TMEM132B: variants seen among roughly 807,000 people sequenced by gnomAD.
TMEM132B encodes the protein transmembrane protein 132B.
Under a neutral mutation model 90.8 loss-of-function variants are expected in TMEM132B, and 18 were observed. The ratio of observed to expected loss-of-function variants is 0.20; its 90% confidence interval spans 0.14 to 0.29. The LOEUF is 0.29. Among genes scored for constraint, TMEM132B ranks in the 10% least tolerant of loss-of-function variants. The pLI, the probability that TMEM132B is intolerant of heterozygous loss-of-function variation, is 1.00. For synonymous variants in TMEM132B, 504 were observed against 523.3 expected (o/e 0.96, Z 0.50); for missense variants, 1,096 against 1,326.8 (o/e 0.83, Z 2.70).
At chr12:125,533,514 C>T (rs1883704207) in intron 4 of TMEM132B, among the ~76,000 whole-genome samples, 1 of 152,238 alleles carries the variant, frequency 6.6e-6, no homozygotes, top group African/African-American at 2.4e-5. Flanking sequence ...TTGCAGAGCC[C>T]AGCAAGTCTT....
intron 3 of TMEM132B, among the ~76,000 whole-genome samples, chr12:125,439,365 C>T (rs1288756379): frequency 6.6e-6 from 1 of 152,082 alleles, no homozygotes; most frequent in Non-Finnish European, 1.5e-5. Flanking sequence ...TTGTAATTCT[C>T]ATTGTAGACC....
At chr12:125,617,294 T>A (rs1057415231) in intron 5 of TMEM132B, among the ~76,000 whole-genome samples, 1 of 152,142 alleles carries the variant, frequency 6.6e-6, no homozygotes, top group Middle Eastern at 3.4e-3. Context: ...TTGGGCATGC[T>A]GATAGTCACC....
intron 1 of TMEM132B, among the ~76,000 whole-genome samples, chr12:125,232,416 A>G (rs1230745857): frequency 1.3e-5 from 2 of 152,158 alleles, no homozygotes; most frequent in East Asian, 3.9e-4. Flanking sequence ...TATCTTCTTG[A>G]AAAAAAATAA....
intron 2 of TMEM132B, among the ~76,000 whole-genome samples, chr12:125,413,525 G>A (rs1246450179): frequency 6.6e-6 from 1 of 152,126 alleles, no homozygotes; most frequent in East Asian, 1.9e-4. Context: ...CCCAGTCCCT[G>A]GAAACCACCA....
intron 2 of TMEM132B, among the ~76,000 whole-genome samples, chr12:125,381,132 C>A (rs1057428614): frequency 1.3e-5 from 2 of 152,176 alleles, no homozygotes; most frequent in East Asian, 1.9e-4. Flanking sequence ...TGTGGAGTTA[C>A]AGGCACGGTG....
intron 2 of TMEM132B, among the ~76,000 whole-genome samples, chr12:125,367,584 T>C (rs1878172304): frequency 6.6e-6 from 1 of 152,158 alleles, no homozygotes; most frequent in Non-Finnish European, 1.5e-5. Context: ...CCAACTGCAT[T>C]TTTTTCCAGG....
chr12:125,224,431 G>C (rs77746947), intron 1 of TMEM132B, among the ~76,000 whole-genome samples: 7 of 152,286 alleles, frequency 4.6e-5, no homozygotes, highest in Admixed American at 2.0e-4. Flanking sequence ...GGACTTCCCA[G>C]GGTGCCGACT....
chr12:125,441,979 T>G (rs1268825652), intron 3 of TMEM132B, among the ~76,000 whole-genome samples: 1 of 152,270 alleles, frequency 6.6e-6, no homozygotes, highest in Non-Finnish European at 1.5e-5. Context: ...CTAAAATTTA[T>G]ATTCTTTTAA....
intron 1 of TMEM132B, among the ~76,000 whole-genome samples, chr12:125,233,569 G>A (rs1873869717): frequency 6.6e-6 from 1 of 152,330 alleles, no homozygotes; most frequent in Non-Finnish European, 1.5e-5. Flanking sequence ...TAGCTGCAGG[G>A]AAGGACAGAA....
chr12:125,515,360 T>C (rs1883098295), intron 3 of TMEM132B, among the ~76,000 whole-genome samples: 1 of 151,292 alleles, frequency 6.6e-6, no homozygotes, highest in Admixed American at 6.6e-5. Flanking sequence ...ACACACACAT[T>C]GACACATTCA....
At chr12:125,326,961 C>G (rs148277726) in intron 1 of TMEM132B, among the ~76,000 whole-genome samples, 1 of 152,174 alleles carries the variant, frequency 6.6e-6, no homozygotes, top group Non-Finnish European at 1.5e-5. Flanking sequence ...GTCTCCCTGC[C>G]TTCTCTAACA....
intron 5 of TMEM132B, among the ~76,000 whole-genome samples, chr12:125,626,738 G>A (rs1886243745): frequency 6.6e-6 from 1 of 151,992 alleles, no homozygotes; most frequent in Non-Finnish European, 1.5e-5. Context: ...TTTGCTTTTG[G>A]TTTTCAGCAG....
chr12:125,596,741 G>C (rs756515984), intron 5 of TMEM132B, among the ~76,000 whole-genome samples: 3 of 152,188 alleles, frequency 2.0e-5, no homozygotes, highest in Non-Finnish European at 4.4e-5. Context: ...TGTCAACCAT[G>C]TCACTCCCAA....
rs906939195 is a variant in TMEM132B, at chr12:125,473,975, G to GT, written c.1107-45455dup. Among the ~76,000 whole-genome samples the GT allele has an allele frequency of 1.8e-4, 27 of 150,600 alleles. 1 individual carries two copies. The highest frequency in any genetic ancestry group is 8.5e-4 in the South Asian group (4 of 4,722). On this transcript the variant is annotated intron_variant, in intron 3 of 8. Coordinates refer to ENST00000682704, the MANE Select transcript of TMEM132B (RefSeq NM_001366854.1). ...GATAGTAGAGAAAAAATAGCAATGTGTTTTTTTTTAAACTAATTCCAAGAT... is the reference window on the plus strand; with the variant it reads ...GATAGTAGAGAAAAAATAGCAATGTGTTTTTTTTTTAAACTAATTCCAAGAT...
chr12:125,194,275 G>A (rs953537000), intron 1 of TMEM132B, among the ~76,000 whole-genome samples: 2 of 152,016 alleles, frequency 1.3e-5, no homozygotes, highest in Non-Finnish European at 2.9e-5. Flanking sequence ...CGTTGGTGGG[G>A]GGGTCTTACT....
In TMEM132B at chr12:125,235,763, A is replaced by G. The variant is rs575915040; in HGVS notation, c.67+48897A>G. 1.5e-4 allele frequency among the ~76,000 whole-genome samples: 22 copies of G among 144,644 alleles called. No individual in the cohort carries two copies. In the East Asian group the frequency reaches 4.0e-3, roughly 26 times the overall value. The allele number at this position is 144,644 out of a possible 152,430, so 94.9% of individuals were successfully genotyped here. The stretch of plus-strand genomic sequence containing the variant: ...TCTTTCACATAACATAACAGTTTTG[A>G]GGTCTATCTATGTTGTAATGTTTAT... On this transcript the variant is annotated intron_variant, in intron 1 of 8. Coordinates refer to ENST00000682704, the MANE Select transcript of TMEM132B (RefSeq NM_001366854.1).
intron 5 of TMEM132B, among the ~76,000 whole-genome samples, chr12:125,642,860 G>T (rs1886664805): frequency 6.6e-6 from 1 of 152,194 alleles, no homozygotes; most frequent in Admixed American, 6.5e-5. Flanking sequence ...TGGTTTCCAT[G>T]TCAAGCTACA....
intron 4 of TMEM132B, among the ~76,000 whole-genome samples, chr12:125,555,656 A>G (rs944421778): frequency 5.3e-5 from 8 of 151,696 alleles, no homozygotes; most frequent in Non-Finnish European, 1.2e-4. Context: ...TGGCACATGT[A>G]TACATATGTA....
intron 1 of TMEM132B, among the ~76,000 whole-genome samples, chr12:125,264,841 C>T (rs2136113157): frequency 6.6e-6 from 1 of 152,374 alleles, no homozygotes; most frequent in East Asian, 1.9e-4. Context: ...TGTGCATAGA[C>T]ACGCTCAGCC....
Sources: allele counts gnomAD v4.1 joint callset (sites outside exome capture counted in the v4.1 genomes callset), GRCh38; gene constraint gnomAD v4.1.1; transcripts MANE v1.5; gene names NCBI Gene and HGNC (gene_info 2026-07-23, HGNC 2026-07-21).